The following HPS4 variants were observed in gnomAD, a reference collection of about 807,000 sequenced individuals.
HPS4 encodes the protein HPS4 biogenesis of lysosomal organelles complex 3 subunit 2.
A neutral mutation model predicts 70.3 loss-of-function variants in HPS4; 44 were observed. The observed-to-expected ratio is 0.63, with a 90% CI of 0.49 to 0.80. The LOEUF (loss-of-function observed/expected upper bound fraction) is 0.80. Among genes scored for constraint, HPS4 ranks in the 30% least tolerant of loss-of-function variants. The probability of loss-of-function intolerance (pLI) is 0.00; values close to 1 mark genes in which losing one functional copy is unlikely to be tolerated. For synonymous variants in HPS4, 377 were observed against 355.9 expected, an observed-to-expected ratio of 1.06 and a Z score of -0.67; for missense variants, 873 against 884.4, an observed-to-expected ratio of 0.99 and a Z score of 0.16.
chr22:26,463,159 G>A (rs1267347459), intron 11 of HPS4, among the ~76,000 whole-genome samples: 1 of 152,186 alleles, frequency 6.6e-6, no homozygotes, highest in East Asian at 1.9e-4. Flanking sequence ...CTATAGCAAC[G>A]AATCTCCAGC....
rs1415079414 is a variant in HPS4, at chr22:26,464,124, T to C, written c.1506A>G (p.Ala502=). The change falls in exon 11 of 14, where the codon GCA becomes GCG. Residue 502 remains alanine (A), a synonymous_variant. Transcript: ENST00000398145. ...EDVDGVCESH[A]APGLECSSGS... is the part of the protein sequence containing the mutation. ...CTGAACTGCATTCCAGACCAGGGGC[T>C]GCGTGGCTTTCACAGACCCCATCAA... 1.2e-6 allele frequency: 2 copies of C among 1,614,178 alleles called. No homozygotes were observed. The highest frequency in any genetic ancestry group is 1.7e-5 in the Admixed American group (1 of 60,016).
chr22:26,443,430 A>C, downstream of HPS4: 1 of 486,572 alleles, frequency 2.1e-6, no homozygotes, highest in East Asian at 3.8e-5. Flanking sequence ...TTTCCTTCCA[A>C]TCATTTGCTT....
chr22:26,453,660 C>T (rs146737414), intron 13 of HPS4: 3 of 535,880 alleles, frequency 5.6e-6, no homozygotes, highest in Non-Finnish European at 1.0e-5. Context: ...AGCCACAGAT[C>T]CTGGAGTTAT....
chr22:26,478,290 T>C (rs1012610628), intron 3 of HPS4, among the ~76,000 whole-genome samples: 3 of 152,004 alleles, frequency 2.0e-5, no homozygotes, highest in Non-Finnish European at 2.9e-5. Context: ...TGGCAAAGTA[T>C]TGCCGGGCGT....
intron 2 of HPS4, chr22:26,479,827 A>T: frequency 2.8e-6 from 1 of 350,946 alleles, no homozygotes; most frequent in Non-Finnish European, 4.1e-6. Flanking sequence ...CTGAGGGCCC[A>T]CAGTGTGCTC....
chr22:26,452,748 C>T lies in HPS4; in HGVS notation c.*485G>A, dbSNP rs2085414832. ...AGCAAGAGCGCACTGGAGAAACCTA[C>T]CTGCGGCGTGGGAGTGGAGTCGGCC... On this transcript the variant is annotated 3_prime_UTR_variant, in exon 14 of 14. Coordinates refer to ENST00000398145, the MANE Select transcript of HPS4 (RefSeq NM_022081.6). The T allele has an allele frequency of 8.1e-6, 2 of 246,498 alleles. No homozygotes were observed. Among genetic ancestry groups the T allele is most frequent in the Admixed American group, 1.0e-4 (2 of 19,262 alleles). The allele number at this position is 246,498 out of a possible 1,614,324, so 15.3% of individuals were successfully genotyped here. A position where few individuals can be genotyped will look rare whatever the true frequency, so the allele number is the denominator to read the frequency against.
At chr22:26,474,527 A>G (rs1263805129) in intron 4 of HPS4, among the ~76,000 whole-genome samples, 1 of 152,216 alleles carries the variant, frequency 6.6e-6, no homozygotes, top group Non-Finnish European at 1.5e-5. Context: ...TGGAGTAGGC[A>G]GTGGTTTTTT....
intron 3 of HPS4, among the ~76,000 whole-genome samples, chr22:26,445,792 G>A (rs763367607): frequency 3.3e-5 from 5 of 152,214 alleles, no homozygotes; most frequent in African/African-American, 1.2e-4. Flanking sequence ...ACAGCAGTGG[G>A]TGTGGCCAGA....
chr22:26,458,690 C>T, intron 11 of HPS4, 113 bp from the exon 12 acceptor site: 1 of 1,273,062 alleles, frequency 7.9e-7, no homozygotes, highest in South Asian at 1.4e-5. Flanking sequence ...GGCACGGTGG[C>T]TCACACCTGT....
intron 3 of HPS4, 148 bp downstream of exon 3, chr22:26,479,117 C>G (rs1293984235): frequency 5.0e-6 from 4 of 793,578 alleles, no homozygotes; most frequent in African/African-American, 1.7e-5. Context: ...ACCAGAACAA[C>G]AAGAAATAGT....
At position 26,452,512 on chromosome 22, in the gene HPS4, T is replaced by C. The variant is rs1160947804; in HGVS notation, c.*721A>G. 1.1e-5 allele frequency: 4 copies of C among 360,488 alleles called. No homozygotes were observed. The highest frequency in any genetic ancestry group is 7.5e-5 in the East Asian group (1 of 13,358). 22.3% of individuals were successfully genotyped at this position (360,488 alleles called of 1,614,324 possible). A position where few individuals can be genotyped will look rare whatever the true frequency, so the allele number is the denominator to read the frequency against. On this transcript the variant is annotated 3_prime_UTR_variant, in exon 14 of 14. Coordinates refer to ENST00000398145, the MANE Select transcript of HPS4 (RefSeq NM_022081.6). ...CACTTGTAGTCAAAGGCAGCGCAGG[T>C]TGGTCCTGTTGTCACTGAATTCTCA...
downstream of HPS4, among the ~76,000 whole-genome samples, chr22:26,448,747 C>CA (rs1455026260): frequency 2.6e-5 from 4 of 152,004 alleles, no homozygotes; most frequent in Non-Finnish European, 5.9e-5. Context: ...ACTGGATCAA[C>CA]AGAGAAGGTG....
At position 26,464,870 on chromosome 22, in the gene HPS4, T is replaced by C. The variant is rs374103289; in HGVS notation, c.804-44A>G. The C allele has an allele frequency of 2.6e-6, 4 of 1,535,392 alleles. No individual in the cohort carries two copies. The African/African-American group carries it at 5.5e-5, about 21-fold the overall frequency. On this transcript the variant is annotated intron_variant, in intron 10 of 13. Coordinates refer to ENST00000398145, the MANE Select transcript of HPS4 (RefSeq NM_022081.6). ...GTAAGGAAGGGGCACGTTGACAGAC[T>C]GCAGGGCAAGTGCCCTTCCACAGTG...
chr22:26,483,783 G>A lies in HPS4; in HGVS notation c.-588C>T, dbSNP rs1036794758. ...CCCGTACCTGCGCGCGCGGCAGAGA[G>A]GCCTTAGGTCACGCGCCGCCCCGCC... On this transcript the variant is annotated 5_prime_UTR_variant, in exon 1 of 14. Transcript: ENST00000398145. The A allele has an allele frequency of 1.4e-5, 11 of 797,434 alleles. No homozygotes were observed. The highest frequency in any genetic ancestry group is 9.2e-5 in the African/African-American group (5 of 54,448). The allele number at this position is 797,434 out of a possible 1,614,324, so 49.4% of individuals were successfully genotyped here. A position where few individuals can be genotyped will look rare whatever the true frequency, so the allele number is the denominator to read the frequency against.
At chr22:26,443,315 C>A, downstream of HPS4, 1 of 849,154 alleles carries the variant, frequency 1.2e-6, no homozygotes, top group South Asian at 1.5e-5. Context: ...AAACCTGCCT[C>A]AGCGGAAAGC....
At chr22:26,468,396 C>T (rs2089117353) in intron 8 of HPS4, 155 bp downstream of exon 8, 4 of 713,412 alleles carry the variant, frequency 5.6e-6, no homozygotes, top group East Asian at 5.4e-5. Flanking sequence ...AATGGCTTCA[C>T]TACTGAGGAG....
chr22:26,451,462 A>AG lies in HPS4; in HGVS notation c.*1770dup, dbSNP rs1450949288. 1 of 152,270 alleles carries AG rather than the reference A, an allele frequency of 6.6e-6. No individual in the cohort carries two copies. The highest frequency in any genetic ancestry group is 1.5e-5 in the Non-Finnish European group (1 of 68,060). The allele number at this position is 152,270 out of a possible 1,614,324, so 9.4% of individuals were successfully genotyped here. ...TAAGCAGGATCAAAGGAGGAAAGAA[A>AG]GGGGCACACCTGCAAAGTGAAGTTT... On this transcript the variant is annotated 3_prime_UTR_variant, in exon 14 of 14. Transcript: ENST00000398145.
chr22:26,463,965 C>A lies in HPS4; in HGVS notation c.1665G>T (p.Leu555=). The A allele has an allele frequency of 6.2e-7, 1 of 1,614,152 alleles. No homozygotes were observed. Among genetic ancestry groups the A allele is most frequent in the Admixed American group, 1.7e-5 (1 of 60,030 alleles). ...THCVKGLVLS[L]LAEEPLLGDS... The stretch of plus-strand genomic sequence containing the variant: ...CTCCCAGCAGCGGCTCCTCAGCCAG[C>A]AGGGACAGCACCAGCCCTTTGACGC... The change falls in exon 11 of 14, where the codon CTG becomes CTT. Residue 555 remains leucine, a synonymous_variant. Transcript: ENST00000398145.
At chr22:26,480,097 A>G (rs969992375) in intron 2 of HPS4, among the ~76,000 whole-genome samples, 4 of 152,222 alleles carry the variant, frequency 2.6e-5, no homozygotes, top group Non-Finnish European at 4.4e-5. Context: ...ACACTGCAGT[A>G]TAACTATATT....
Sources: gnomAD v4.1 joint callset for allele counts (sites outside exome capture counted in the v4.1 genomes callset) on GRCh38, gnomAD v4.1.1 for gene constraint, MANE v1.5 for transcripts, NCBI Gene and HGNC (gene_info 2026-07-23, HGNC 2026-07-21) for gene names.